SASS6: variants seen among roughly 807,000 people sequenced by gnomAD.
SASS6 encodes the protein SAS-6 centriolar assembly protein.
Under a neutral mutation model 94.9 loss-of-function variants are expected in SASS6, and 59 were observed. That is an observed-to-expected ratio of 0.62 (90% CI 0.50 to 0.77). The LOEUF (loss-of-function observed/expected upper bound fraction) is 0.77. Among genes scored for constraint, SASS6 ranks in the 30% least tolerant of loss-of-function variants. SASS6 has a pLI of 0.00. For synonymous variants in SASS6, 264 were observed against 270.0 expected, an observed-to-expected ratio of 0.98 and a Z score of 0.22; for missense variants, 698 against 734.1, an observed-to-expected ratio of 0.95 and a Z score of 0.57.
At chr1:100,126,339 G>A (rs1654619417) in intron 1 of SASS6, among the ~76,000 whole-genome samples, 1 of 152,138 alleles carries the variant, frequency 6.6e-6, no homozygotes, top group African/African-American at 2.4e-5. Context: ...ATTAAATGAG[G>A]TAAGAACCTC....
chr1:100,105,824 C>T lies in SASS6; in HGVS notation c.1488G>A (p.Pro496=), dbSNP rs779107653. ...KQDVLGPSTT[P]PAHSSSNTIR... is the part of the protein sequence containing the mutation. ...TTGTGTTGCTGCTGGAATGTGCAGG[C>T]GGAGTAGTAGAAGGTCCCAATACAT... is the stretch of plus-strand genomic sequence containing the variant. The change falls in exon 13 of 17, where the codon CCG becomes CCA. Residue 496 remains proline (P), a synonymous_variant. Coordinates refer to ENST00000287482, the MANE Select transcript of SASS6 (RefSeq NM_194292.3). The T allele has an allele frequency of 1.2e-5, 20 of 1,612,920 alleles. No individual in the cohort carries two copies. The highest frequency in any genetic ancestry group is 4.4e-5 in the South Asian group (4 of 90,916).
chr1:100,094,285 G>A (rs551265714), intron 14 of SASS6, among the ~76,000 whole-genome samples: 2 of 151,834 alleles, frequency 1.3e-5, no homozygotes, highest in Non-Finnish European at 2.9e-5. Flanking sequence ...CATTCTATAG[G>A]TATTGAAAAA....
chr1:100,088,767 T>C (rs1235476698), intron 14 of SASS6, among the ~76,000 whole-genome samples: 1 of 151,304 alleles, frequency 6.6e-6, no homozygotes, highest in African/African-American at 2.4e-5. Context: ...CCCTGGAGTT[T>C]GGGGTTACAG....
chr1:100,084,781 A>G lies in SASS6; in HGVS notation c.*547T>C, dbSNP rs1402770099. 1.3e-5 allele frequency: 2 copies of G among 152,216 alleles called. No homozygotes were observed. The highest frequency in any genetic ancestry group is 2.9e-5 in the Non-Finnish European group (2 of 68,022). The allele number at this position is 152,216 out of a possible 1,614,324, so 9.4% of individuals were successfully genotyped here. Reference sequence around the variant, plus strand: ...TAGCAAATTTAAATGCTTCAAGGAAAATACGCTATGAAGGCTTAATTCATT... The same window carrying G: ...TAGCAAATTTAAATGCTTCAAGGAAGATACGCTATGAAGGCTTAATTCATT... On this transcript the variant is annotated 3_prime_UTR_variant, in exon 17 of 17. Transcript: ENST00000287482.
chr1:100,087,548 G>A (rs915021091), intron 15 of SASS6, among the ~76,000 whole-genome samples: 2 of 152,120 alleles, frequency 1.3e-5, no homozygotes, highest in Non-Finnish European at 2.9e-5. Context: ...TTAACCACAA[G>A]TCATTGAATC....
chr1:100,089,346 T>C (rs1057498729), intron 14 of SASS6, among the ~76,000 whole-genome samples: 1 of 152,032 alleles, frequency 6.6e-6, no homozygotes, highest in Admixed American at 6.6e-5. Flanking sequence ...GAAATGTGAA[T>C]AATGACTAGA....
At position 100,132,889 on chromosome 1, in the gene SASS6, G is replaced by C; in HGVS notation, c.-75C>G. On this transcript the variant is annotated 5_prime_UTR_variant, in exon 1 of 17. Transcript: ENST00000287482. ...CCTCGGGATTAGCCTGAGAGGTCCGGGTCCTGATAAAGTTTGAGTTTGGCG... is the reference window on the plus strand; with the variant it reads ...CCTCGGGATTAGCCTGAGAGGTCCGCGTCCTGATAAAGTTTGAGTTTGGCG... The C allele has an allele frequency of 1.4e-6, 2 of 1,384,846 alleles. No individual in the cohort carries two copies. The highest frequency in any genetic ancestry group is 1.2e-5 in the South Asian group (1 of 84,690). 85.8% of individuals were successfully genotyped at this position (1,384,846 alleles called of 1,614,324 possible). A position where few individuals can be genotyped will look rare whatever the true frequency, so the allele number is the denominator to read the frequency against.
chr1:100,088,342 G>A (rs1301709081), intron 14 of SASS6, 106 bp from the exon 15 acceptor site: 1 of 600,236 alleles, frequency 1.7e-6, no homozygotes, highest in African/African-American at 1.8e-5. Flanking sequence ...TTAAGCTGGA[G>A]TAAAGTGGCA....
rs1184102879 is a variant in SASS6, at chr1:100,118,893, T to A, written c.669+125A>T. On this transcript the variant is annotated intron_variant, in intron 7 of 16. Coordinates refer to ENST00000287482, the MANE Select transcript of SASS6 (RefSeq NM_194292.3). ...GTAAGACTTTGAAAGAGAGGATTTTTATTTTTATTTTATATACTTCTGTAA... is the reference window on the plus strand; with the variant it reads ...GTAAGACTTTGAAAGAGAGGATTTTAATTTTTATTTTATATACTTCTGTAA... 5.8e-6 allele frequency: 3 copies of A among 514,200 alleles called. No homozygotes were observed. The African/African-American group carries it at 5.9e-5, about 10-fold the overall frequency. 31.9% of individuals were successfully genotyped at this position (514,200 alleles called of 1,614,324 possible).
chr1:100,093,896 A>T (rs1264045945), intron 14 of SASS6, among the ~76,000 whole-genome samples: 1 of 152,262 alleles, frequency 6.6e-6, no homozygotes, highest in Non-Finnish European at 1.5e-5. Context: ...ATTAACATAG[A>T]ACTCTTAAAT....
Position 100,125,669 on chromosome 1 carries a change from CAA to C in SASS6, c.126+211_126+212del, listed in dbSNP as rs11299065. On this transcript the variant is annotated intron_variant, in intron 2 of 16. Coordinates refer to ENST00000287482, the MANE Select transcript of SASS6 (RefSeq NM_194292.3). ...CTGGTGACAGAGCAAGACTCCATCT[CAA>C]AAAAAAAAAAAAAAAAAAGAAATAT... Among the ~76,000 whole-genome samples, 128 of 80,338 alleles carry C rather than the reference CAA, an allele frequency of 1.6e-3. 1 individual carries two copies. Among genetic ancestry groups the C allele is most frequent in the Admixed American group, 2.2e-3 (16 of 7,112 alleles). The allele number at this position is 80,338 out of a possible 152,430, so 52.7% of individuals were successfully genotyped here. A position where few individuals can be genotyped will look rare whatever the true frequency, so the allele number is the denominator to read the frequency against.
intron 14 of SASS6, among the ~76,000 whole-genome samples, chr1:100,090,033 G>T (rs1302567042): frequency 6.6e-6 from 1 of 151,954 alleles, no homozygotes; most frequent in Non-Finnish European, 1.5e-5. Flanking sequence ...AATAATATTT[G>T]AAAGTAGATG....
intron 1 of SASS6, among the ~76,000 whole-genome samples, chr1:100,130,631 G>A (rs1654933882): frequency 6.6e-6 from 1 of 150,820 alleles, no homozygotes; most frequent in East Asian, 2.0e-4. Flanking sequence ...CAAGGCTGCA[G>A]TGAGCTGTAA....
intron 13 of SASS6, among the ~76,000 whole-genome samples, chr1:100,104,325 T>C (rs552278045): frequency 9.8e-5 from 15 of 152,306 alleles, no homozygotes; most frequent in South Asian, 8.3e-4. Context: ...GATGTTAATA[T>C]TCCATGAAAT....
At chr1:100,111,087 C>T (rs568347713) in intron 7 of SASS6, among the ~76,000 whole-genome samples, 8 of 152,022 alleles carry the variant, frequency 5.3e-5, no homozygotes, top group East Asian at 1.9e-4. Flanking sequence ...CTTTTGTTAA[C>T]GAACACTATG....
chr1:100,094,461 A>G (rs182258007), intron 14 of SASS6, among the ~76,000 whole-genome samples: 2 of 152,242 alleles, frequency 1.3e-5, no homozygotes, highest in Non-Finnish European at 2.9e-5. Flanking sequence ...TTATGAGGCC[A>G]GTATTGTCCT....
chr1:100,128,739 A>G (rs1174699161), intron 1 of SASS6, among the ~76,000 whole-genome samples: 1 of 152,234 alleles, frequency 6.6e-6, no homozygotes, highest in South Asian at 2.1e-4. Flanking sequence ...GTCGTACTCA[A>G]TAGATGTCTA....
chr1:100,093,174 C>CTTTTTTTTTTTT (rs909537970), intron 14 of SASS6, among the ~76,000 whole-genome samples: 111 of 87,426 alleles, frequency 1.3e-3, no homozygotes, highest in African/African-American at 1.7e-3. Flanking sequence ...CTATTGTTTT[C>CTTTTTTTTTTTT]TTTTTTTTTT....
At chr1:100,123,322 T>C (rs1654341812) in intron 2 of SASS6, 33 bp from the exon 3 acceptor site, 5 of 1,057,102 alleles carry the variant, frequency 4.7e-6, no homozygotes, top group Non-Finnish European at 7.2e-6. Context: ...TAAATGTTTT[T>C]ACTAGATCTG....
Sources: allele counts gnomAD v4.1 joint callset (sites outside exome capture counted in the v4.1 genomes callset), GRCh38; gene constraint gnomAD v4.1.1; transcripts MANE v1.5; gene names NCBI Gene and HGNC (gene_info 2026-07-23, HGNC 2026-07-21).